The following DNAH11 variants were observed in gnomAD, a reference collection of about 807,000 sequenced individuals.
The protein encoded by DNAH11 is axonemal beta dynein heavy chain 11.
In DNAH11, 442 loss-of-function variants were observed where a neutral mutation model predicts 526.0. That is an observed-to-expected ratio of 0.84 (90% CI 0.78 to 0.91). The LOEUF is 0.91. DNAH11 is among the 40% of genes least tolerant of loss of function. The pLI, the probability that DNAH11 is intolerant of heterozygous loss-of-function variation, is 0.00. For synonymous variants in DNAH11, 2,461 were observed against 1,935.9 expected (o/e 1.27, Z -7.12); for missense variants, 6,989 against 5,448.7 (o/e 1.28, Z -8.90).
At chr7:21,574,937 T>G (rs1784030024) in intron 8 of DNAH11, among the ~76,000 whole-genome samples, 1 of 129,128 alleles carries the variant, frequency 7.7e-6, no homozygotes, top group Non-Finnish European at 1.6e-5. Context: ...TGCAGTGGCA[T>G]GATCTCAGCT....
intron 25 of DNAH11, among the ~76,000 whole-genome samples, chr7:21,623,050 A>T (rs972473490): frequency 1.6e-4 from 25 of 152,034 alleles, no homozygotes; most frequent in African/African-American, 5.5e-4. Flanking sequence ...AATGGGAGAA[A>T]ATTTTCGCAA....
chr7:21,901,458 C>CCA lies in DNAH11; in HGVS notation c.*205_*206dup. On this transcript the variant is annotated 3_prime_UTR_variant, in exon 82 of 82. Transcript: ENST00000409508. ...AGCGTGGTGGCACACGACTGTAATC[C>CCA]CAGTTACTCAGGAGGTAGGAGAATC... 1.6e-6 allele frequency: 1 copy of CCA among 610,770 alleles called. No individual in the cohort carries two copies. Among genetic ancestry groups the CCA allele is most frequent in the Non-Finnish European group, 2.4e-6 (1 of 423,766 alleles). 37.8% of individuals were successfully genotyped at this position (610,770 alleles called of 1,614,324 possible). A position where few individuals can be genotyped will look rare whatever the true frequency, so the allele number is the denominator to read the frequency against.
intron 68 of DNAH11, among the ~76,000 whole-genome samples, chr7:21,859,756 T>C (rs1324911279): frequency 1.3e-5 from 2 of 151,966 alleles, no homozygotes; most frequent in African/African-American, 4.8e-5. Context: ...TATAGAGAGA[T>C]ATAGCAATTC....
intron 80 of DNAH11, 92 bp from the exon 81 acceptor site, chr7:21,899,888 T>A (rs1408488126): frequency 1.3e-6 from 2 of 1,484,002 alleles, no homozygotes; most frequent in Admixed American, 4.2e-5. Flanking sequence ...AAACACCCTA[T>A]GGGACTAAAG....
chr7:21,628,117 T>G (rs1412007064), intron 25 of DNAH11, among the ~76,000 whole-genome samples: 3 of 152,198 alleles, frequency 2.0e-5, no homozygotes, highest in African/African-American at 7.2e-5. Flanking sequence ...TAAATGCAAC[T>G]GTTTTTTGTA....
intron 64 of DNAH11, 54 bp from the exon 65 acceptor site, chr7:21,818,163 G>C: frequency 6.4e-7 from 1 of 1,562,688 alleles, no homozygotes; most frequent in Non-Finnish European, 8.7e-7. Context: ...AAAAAATTTT[G>C]AACATTTTGT....
Position 21,670,594 on chromosome 7 carries a change from T to A in DNAH11, c.5329-10952T>A, listed in dbSNP as rs7810728. Among the ~76,000 whole-genome samples, 1,403 of 152,266 alleles carry A rather than the reference T, an allele frequency of 9.2e-3. 16 individuals carry two copies. Among genetic ancestry groups the A allele is most frequent in the African/African-American group, 0.032 (1,313 of 41,564 alleles). ...AGTGTTGAATAGAGGTAGTGAGACA[T>A]CCTTGTCCATTTACATTCTTTGGTA... On this transcript the variant is annotated intron_variant, in intron 30 of 81. Transcript: ENST00000409508.
In DNAH11 at chr7:21,840,073, A is replaced by G. The variant is rs1312865248; in HGVS notation, c.10692-2471A>G. ...AGGCACTTTCCTTACCATAGACACA[A>G]GAGACCTAATCTCTGAGCAAGACAC... On this transcript the variant is annotated intron_variant, in intron 65 of 81. Transcript: ENST00000409508. Among the ~76,000 whole-genome samples, 13 of 152,258 alleles carry G rather than the reference A, an allele frequency of 8.5e-5. No individual in the cohort carries two copies. In the South Asian group the frequency reaches 1.0e-3, roughly 12 times the overall value.
chr7:21,589,375 G>C lies in DNAH11; in HGVS notation c.2141G>C (p.Gly714Ala), dbSNP rs1404338097. ...QPLVKFSAIN[G>A]LLCVNFDPKL... ...TTGGTTAAATTCAGTGCCATAAATG[G>C]TCTTCTCTGTGTCAATTTTGACCCA... is the stretch of plus-strand genomic sequence containing the variant. Residue 714 changes from glycine to alanine, a missense_variant, in exon 12 of 82, where the codon GGT becomes GCT. Physicochemically the swap from Gly to Ala is moderately conservative, Grantham distance 60. Coordinates refer to ENST00000409508, the MANE Select transcript of DNAH11 (RefSeq NM_001277115.2). The C allele has an allele frequency of 6.2e-7, 1 of 1,606,282 alleles. No homozygotes were observed. The highest frequency in any genetic ancestry group is 8.5e-7 in the Non-Finnish European group (1 of 1,177,092).
At chr7:21,679,663 T>C (rs960593815) in intron 30 of DNAH11, among the ~76,000 whole-genome samples, 3 of 152,174 alleles carry the variant, frequency 2.0e-5, no homozygotes, top group Admixed American at 1.3e-4. Context: ...AAGTCTGTCC[T>C]GAATGCTTCT....
chr7:21,878,763 C>T (rs1020313507), intron 74 of DNAH11, among the ~76,000 whole-genome samples: 5 of 152,174 alleles, frequency 3.3e-5, no homozygotes, highest in African/African-American at 1.2e-4. Context: ...TCCTGACCCA[C>T]AGAGAACAAA....
chr7:21,838,698 A>G (rs544718863), intron 65 of DNAH11, among the ~76,000 whole-genome samples: 1 of 150,212 alleles, frequency 6.7e-6, no homozygotes, highest in East Asian at 2.0e-4. Flanking sequence ...ATGATATTTC[A>G]TTGTTTGGAT....
At chr7:21,643,584 T>C (rs1787218740) in intron 28 of DNAH11, among the ~76,000 whole-genome samples, 1 of 152,218 alleles carries the variant, frequency 6.6e-6, no homozygotes, top group African/African-American at 2.4e-5. Context: ...GGAACTGACT[T>C]TTTATTGTAA....
intron 32 of DNAH11, among the ~76,000 whole-genome samples, chr7:21,684,978 A>C (rs1369541899): frequency 6.6e-6 from 1 of 152,176 alleles, no homozygotes; most frequent in Non-Finnish European, 1.5e-5. Flanking sequence ...TTCAAATATA[A>C]GTCTATAAAG....
intron 54 of DNAH11, among the ~76,000 whole-genome samples, chr7:21,762,699 A>C (rs2128497112): frequency 6.6e-6 from 1 of 152,328 alleles, no homozygotes; most frequent in South Asian, 2.1e-4. Flanking sequence ...AAAATGTTAA[A>C]CCACATGCAA....
chr7:21,801,600 T>C lies in DNAH11; in HGVS notation c.10165+325T>C, dbSNP rs79918564. On this transcript the variant is annotated intron_variant, in intron 62 of 81. Coordinates refer to ENST00000409508, the MANE Select transcript of DNAH11 (RefSeq NM_001277115.2). ...CAGCTGTGGGTGGGTTATGTACTTA[T>C]TTTTTCTACTTTCTCTCTTCCTTTC... 0.014 allele frequency among the ~76,000 whole-genome samples: 2,148 copies of C among 152,318 alleles called. 41 individuals carry two copies. Among genetic ancestry groups the C allele is most frequent in the African/African-American group, 0.049 (2,044 of 41,568 alleles).
chr7:21,718,755 T>C (rs181164681), intron 43 of DNAH11, among the ~76,000 whole-genome samples: 119 of 152,260 alleles, frequency 7.8e-4, no homozygotes, highest in African/African-American at 2.8e-3. Context: ...AAGAGCAAAA[T>C]TGCTTTCTAA....
intron 76 of DNAH11, among the ~76,000 whole-genome samples, chr7:21,886,836 A>T (rs1250132086): frequency 6.6e-6 from 1 of 152,144 alleles, no homozygotes; most frequent in Non-Finnish European, 1.5e-5. Flanking sequence ...TAGGTACCTG[A>T]CCTTACATAC....
chr7:21,620,833 T>C lies in DNAH11; in HGVS notation c.4500+755T>C, dbSNP rs535257640. ...TGCGGTGTTTGGTTTTTTGTTCTTG[T>C]GATAGTTTACTGAGAATGATGATTT... On this transcript the variant is annotated intron_variant, in intron 25 of 81. Transcript: ENST00000409508. Among the ~76,000 whole-genome samples, 518 of 150,720 alleles carry C rather than the reference T, an allele frequency of 3.4e-3. 4 individuals carry two copies. The highest frequency in any genetic ancestry group is 0.012 in the African/African-American group (487 of 41,020).
Sources: gnomAD v4.1 joint callset for allele counts (sites outside exome capture counted in the v4.1 genomes callset) on GRCh38, gnomAD v4.1.1 for gene constraint, MANE v1.5 for transcripts, NCBI Gene and HGNC (gene_info 2026-07-23, HGNC 2026-07-21) for gene names.